IKZF2: variants seen among roughly 807,000 people sequenced by gnomAD.
IKZF2 encodes the protein IKAROS family zinc finger 2.
In IKZF2, 15 loss-of-function variants were observed where a neutral mutation model predicts 49.2. The ratio of observed to expected loss-of-function variants is 0.30; its 90% CI spans 0.20 to 0.47. The LOEUF (loss-of-function observed/expected upper bound fraction) is 0.47, where lower values mean the gene tolerates loss of function less well. Among genes scored for constraint, IKZF2 ranks in the 20% least tolerant of loss-of-function variants. The probability of loss-of-function intolerance (pLI) is 1.00; values close to 1 mark genes in which losing one functional copy is unlikely to be tolerated. For missense variants in IKZF2, 567 were observed against 664.6 expected (o/e 0.85, Z 1.61); for synonymous variants, 227 against 221.4 (o/e 1.03, Z -0.23).
intron 3 of IKZF2, 107 bp from the exon 4 acceptor site, chr2:213,147,919 A>C: frequency 4.1e-6 from 3 of 732,946 alleles, no homozygotes; most frequent in Non-Finnish European, 7.1e-6. Flanking sequence ...TCAAACTGTA[A>C]GGTAATACAT....
intron 4 of IKZF2, among the ~76,000 whole-genome samples, chr2:213,132,241 T>G (rs2060497011): frequency 6.6e-6 from 1 of 151,722 alleles, no homozygotes; most frequent in South Asian, 2.1e-4. Context: ...TCAAGGAGTT[T>G]CCAGTCACAC....
chr2:213,116,808 G>T (rs1005874798), intron 4 of IKZF2, among the ~76,000 whole-genome samples: 4 of 152,086 alleles, frequency 2.6e-5, no homozygotes, highest in African/African-American at 7.2e-5. Flanking sequence ...GACTGCTTTA[G>T]CCCTGACTTC....
At chr2:213,062,417 A>C (rs947540889) in intron 4 of IKZF2, among the ~76,000 whole-genome samples, 1 of 151,774 alleles carries the variant, frequency 6.6e-6, no homozygotes, top group African/African-American at 2.4e-5. Flanking sequence ...GTATAAAATA[A>C]GCTTTCTAGT....
intron 6 of IKZF2, among the ~76,000 whole-genome samples, chr2:213,022,561 G>A (rs183213104): frequency 1.3e-5 from 2 of 151,974 alleles, no homozygotes; most frequent in African/African-American, 4.8e-5. Flanking sequence ...AACTTAAAAT[G>A]CAACAACTTG....
intron 4 of IKZF2, among the ~76,000 whole-genome samples, chr2:213,083,693 C>T (rs116571226): frequency 3.3e-5 from 5 of 151,082 alleles, no homozygotes; most frequent in Non-Finnish European, 7.4e-5. Flanking sequence ...TGAAGCACTG[C>T]GCCCAGCCTC....
At chr2:213,063,543 G>A (rs898842138) in intron 4 of IKZF2, among the ~76,000 whole-genome samples, 3 of 151,846 alleles carry the variant, frequency 2.0e-5, no homozygotes, top group African/African-American at 7.3e-5. Context: ...TACAGATTTA[G>A]AATCCTTTTA....
At chr2:213,060,327 T>C (rs1442657383) in intron 4 of IKZF2, among the ~76,000 whole-genome samples, 2 of 151,368 alleles carry the variant, frequency 1.3e-5, no homozygotes, top group Non-Finnish European at 3.0e-5. Context: ...AACTTATATA[T>C]ATATAAGACT....
At chr2:213,146,727 A>G (rs1220875032) in intron 4 of IKZF2, among the ~76,000 whole-genome samples, 1 of 123,286 alleles carries the variant, frequency 8.1e-6, no homozygotes, top group African/African-American at 3.0e-5. Flanking sequence ...ATAATTAAGT[A>G]CATGATTCAC....
chr2:213,028,587 C>T (rs1191943377), intron 6 of IKZF2, among the ~76,000 whole-genome samples: 1 of 152,128 alleles, frequency 6.6e-6, no homozygotes, highest in Non-Finnish European at 1.5e-5. Flanking sequence ...ACACATATTA[C>T]TTAATTTAAC....
intron 6 of IKZF2, among the ~76,000 whole-genome samples, chr2:213,042,981 G>GT (rs1055171782): frequency 6.6e-6 from 1 of 151,872 alleles, no homozygotes; most frequent in African/African-American, 2.4e-5. Context: ...AGATAAAAAG[G>GT]TTTTTTATTA....
intron 4 of IKZF2, among the ~76,000 whole-genome samples, chr2:213,117,486 T>C (rs1464223632): frequency 6.6e-6 from 1 of 152,136 alleles, no homozygotes; most frequent in African/African-American, 2.4e-5. Flanking sequence ...ATTTAATCAG[T>C]AGTTATTGAA....
intron 4 of IKZF2, among the ~76,000 whole-genome samples, chr2:213,139,557 A>ATGTG (rs148201651): frequency 4.0e-5 from 6 of 151,030 alleles, no homozygotes; most frequent in Non-Finnish European, 7.4e-5. Flanking sequence ...TGTTGGTTGC[A>ATGTG]TGTGTGTGTG....
At chr2:213,069,890 T>A (rs1387365388) in intron 4 of IKZF2, among the ~76,000 whole-genome samples, 1 of 152,128 alleles carries the variant, frequency 6.6e-6, no homozygotes, top group Admixed American at 6.6e-5. Context: ...ATCAGCTGAA[T>A]TAATTTTATT....
intron 7 of IKZF2, chr2:213,021,689 C>T (rs1390069721): frequency 6.3e-6 from 3 of 474,254 alleles, no homozygotes; most frequent in African/African-American, 3.9e-5. Flanking sequence ...TTTAGGCAGC[C>T]TACAGACTAA....
At chr2:213,041,839 T>C (rs1157806943) in intron 6 of IKZF2, among the ~76,000 whole-genome samples, 1 of 152,174 alleles carries the variant, frequency 6.6e-6, no homozygotes, top group African/African-American at 2.4e-5. Context: ...AAGATGTTAA[T>C]TCGGTTTCAT....
At chr2:213,011,024 T>A (rs1441600891) in intron 8 of IKZF2, among the ~76,000 whole-genome samples, 1 of 151,980 alleles carries the variant, frequency 6.6e-6, no homozygotes, top group East Asian at 1.9e-4. Context: ...TCCAAAGGAA[T>A]TGACTATTCA....
intron 6 of IKZF2, among the ~76,000 whole-genome samples, chr2:213,045,750 G>C (rs1439032923): frequency 1.3e-5 from 2 of 152,154 alleles, no homozygotes; most frequent in African/African-American, 4.8e-5. Flanking sequence ...AGAAATTGCT[G>C]CACCCTGCAC....
At chr2:213,134,666 G>A (rs2060590509) in intron 4 of IKZF2, among the ~76,000 whole-genome samples, 1 of 152,172 alleles carries the variant, frequency 6.6e-6, no homozygotes, top group Admixed American at 6.5e-5. Flanking sequence ...TCAAATATCT[G>A]AAGAAGTATG....
intron 6 of IKZF2, among the ~76,000 whole-genome samples, chr2:213,033,772 T>C (rs766952476): frequency 1.3e-5 from 2 of 152,234 alleles, no homozygotes; most frequent in South Asian, 4.1e-4. Flanking sequence ...TTAAGGACCT[T>C]AGAATTTTTG....
Sources: allele counts gnomAD v4.1 joint callset (sites outside exome capture counted in the v4.1 genomes callset), GRCh38; gene constraint gnomAD v4.1.1; transcripts MANE v1.5; gene names NCBI Gene and HGNC (gene_info 2026-07-23, HGNC 2026-07-21).